Variants in CSMD3 observed in about 807,000 individuals in gnomAD.
The protein encoded by CSMD3 is CUB and sushi domain-containing protein 3.
A neutral mutation model predicts 435.2 loss-of-function variants in CSMD3; 177 were observed. The ratio of observed to expected loss-of-function variants is 0.41; its 90% CI spans 0.36 to 0.46. CSMD3 has a LOEUF of 0.46. CSMD3 is among the 20% of genes least tolerant of loss of function. CSMD3 has a pLI of 0.34. For missense variants in CSMD3, 4,265 were observed against 4,504.6 expected, an observed-to-expected ratio of 0.95 and a Z score of 1.52; for synonymous variants, 1,656 against 1,520.5, an observed-to-expected ratio of 1.09 and a Z score of -2.07.
At chr8:112,758,786 A>G (rs1337508826) in intron 13 of CSMD3, among the ~76,000 whole-genome samples, 3 of 152,204 alleles carry the variant, frequency 2.0e-5, no homozygotes, top group Non-Finnish European at 4.4e-5. Flanking sequence ...AGATTTTAAC[A>G]TGGTATCTCA....
At chr8:112,495,123 G>T (rs529750121) in intron 30 of CSMD3, among the ~76,000 whole-genome samples, 1 of 152,078 alleles carries the variant, frequency 6.6e-6, no homozygotes, top group African/African-American at 2.4e-5. Flanking sequence ...GTGATGCAAG[G>T]GTTGATTTGT....
intron 30 of CSMD3, among the ~76,000 whole-genome samples, chr8:112,498,257 T>C (rs2130887463): frequency 6.6e-6 from 1 of 152,246 alleles, no homozygotes; most frequent in East Asian, 1.9e-4. Flanking sequence ...GTCCTTCCCA[T>C]ACCTACTCAT....
intron 18 of CSMD3, among the ~76,000 whole-genome samples, chr8:112,650,652 G>C (rs982398930): frequency 6.6e-6 from 1 of 151,988 alleles, no homozygotes; most frequent in African/African-American, 2.4e-5. Flanking sequence ...CATAGCAATA[G>C]TCAACATTTC....
At chr8:112,754,410 C>T (rs2077643143) in intron 13 of CSMD3, among the ~76,000 whole-genome samples, 1 of 151,996 alleles carries the variant, frequency 6.6e-6, no homozygotes, top group African/African-American at 2.4e-5. Context: ...AGAACCCAAG[C>T]CCTGATTTGG....
intron 32 of CSMD3, among the ~76,000 whole-genome samples, chr8:112,454,377 T>C (rs568254612): frequency 1.3e-5 from 2 of 152,174 alleles, no homozygotes; most frequent in South Asian, 4.2e-4. Flanking sequence ...AGCAAAGATC[T>C]AACACTCATA....
intron 31 of CSMD3, among the ~76,000 whole-genome samples, chr8:112,480,009 T>C (rs1391328725): frequency 6.6e-6 from 1 of 152,178 alleles, no homozygotes; most frequent in African/African-American, 2.4e-5. Flanking sequence ...CTCAAACCTT[T>C]GAGAGCAGCC....
At chr8:112,954,797 A>G in intron 7 of CSMD3, 36 bp from the exon 8 acceptor site, 1 of 1,192,824 alleles carries the variant, frequency 8.4e-7, no homozygotes, top group African/African-American at 1.5e-5. Flanking sequence ...TGTATCAGGA[A>G]ATACAATTTT....
intron 1 of CSMD3, among the ~76,000 whole-genome samples, chr8:113,401,110 C>G (rs1419133845): frequency 6.6e-6 from 1 of 151,748 alleles, no homozygotes; most frequent in Non-Finnish European, 1.5e-5. Flanking sequence ...AACATCCTGA[C>G]ATCTCAATTA....
In CSMD3 at chr8:112,777,101, T is replaced by C. The variant is rs1049604262; in HGVS notation, c.1972+23061A>G. ...ATCATTTGTGACCAAAATTTGGAGA[T>C]GCTGTGCCCAAAAATGAAAGACAAG... On this transcript the variant is annotated intron_variant, in intron 13 of 70. Coordinates refer to ENST00000297405, the MANE Select transcript of CSMD3 (RefSeq NM_198123.2). Among the ~76,000 whole-genome samples, 7 of 151,926 alleles carry C rather than the reference T, an allele frequency of 4.6e-5. No individual in the cohort carries two copies. In the South Asian group the frequency reaches 6.2e-4, roughly 13 times the overall value.
At chr8:113,219,659 G>A (rs2092944781) in intron 3 of CSMD3, among the ~76,000 whole-genome samples, 1 of 151,406 alleles carries the variant, frequency 6.6e-6, no homozygotes, top group South Asian at 2.1e-4. Flanking sequence ...TAAACCACAA[G>A]TAGATCAAAG....
intron 24 of CSMD3, 60 bp from the exon 25 acceptor site, chr8:112,557,014 C>G (rs1042370078): frequency 1.0e-6 from 1 of 995,986 alleles, no homozygotes; most frequent in East Asian, 2.5e-5. Flanking sequence ...TAAATCTATA[C>G]AAATCATTCC....
chr8:112,684,744 A>G lies in CSMD3; in HGVS notation c.2482+662T>C, dbSNP rs181294488. Among the ~76,000 whole-genome samples, 5 of 152,224 alleles carry G rather than the reference A, an allele frequency of 3.3e-5. No individual in the cohort carries two copies. The East Asian group carries it at 7.7e-4, about 23-fold the overall frequency. On this transcript the variant is annotated intron_variant, in intron 15 of 70. Coordinates refer to ENST00000297405, the MANE Select transcript of CSMD3 (RefSeq NM_198123.2). ...AAGATGTCAAGATAATTGTTCAAAA[A>G]CCAACTAAACAATAATGGCTAATGT...
chr8:113,027,336 C>CA lies in CSMD3; in HGVS notation c.918-8158dup, dbSNP rs973877920. On this transcript the variant is annotated intron_variant, in intron 5 of 70. Coordinates refer to ENST00000297405, the MANE Select transcript of CSMD3 (RefSeq NM_198123.2). ...AAAAACTAGCATATTCAAAAATACT[C>CA]AAAAAAATAAAAAAAACTTTCTGTT... Among the ~76,000 whole-genome samples, 9 of 151,694 alleles carry CA rather than the reference C, an allele frequency of 5.9e-5. 1 individual carries two copies. Among genetic ancestry groups the CA allele is most frequent in the Non-Finnish European group, 2.9e-5 (2 of 67,856 alleles).
In CSMD3 at chr8:112,650,362, G is replaced by A. The variant is rs752960252; in HGVS notation, c.3005-13C>T. The A allele has an allele frequency of 1.2e-5, 19 of 1,605,884 alleles. No homozygotes were observed. The Admixed American group carries it at 1.7e-4, about 14-fold the overall frequency. ...TTCACTGTAACACCTGGAAAACAAA[G>A]GGAAGAAAATAAAGAGTAAGCTTGG... On this transcript the variant is annotated splice_polypyrimidine_tract_variant and intron_variant, in intron 18 of 70. Transcript: ENST00000297405.
chr8:112,657,112 G>T (rs1433241009), intron 17 of CSMD3, among the ~76,000 whole-genome samples: 2 of 141,992 alleles, frequency 1.4e-5, no homozygotes, highest in African/African-American at 5.3e-5. Flanking sequence ...AACCAGGCTA[G>T]AGTGCAGTGG....
At chr8:112,446,710 A>G (rs567404131) in intron 32 of CSMD3, among the ~76,000 whole-genome samples, 1 of 152,338 alleles carries the variant, frequency 6.6e-6, no homozygotes, top group East Asian at 1.9e-4. Context: ...AATTGCATAT[A>G]TTAAATTTGC....
chr8:113,275,030 T>A (rs941031408), intron 3 of CSMD3, among the ~76,000 whole-genome samples: 3 of 151,978 alleles, frequency 2.0e-5, no homozygotes, highest in African/African-American at 7.2e-5. Flanking sequence ...ATACTGTATG[T>A]CCCCATAGAA....
chr8:112,516,525 C>A (rs1823687903), intron 28 of CSMD3, among the ~76,000 whole-genome samples: 2 of 152,096 alleles, frequency 1.3e-5, no homozygotes, highest in South Asian at 4.1e-4. Context: ...AGACAAAAGA[C>A]AGCTGGAAGT....
intron 8 of CSMD3, among the ~76,000 whole-genome samples, chr8:112,952,417 A>G (rs2083852848): frequency 6.6e-6 from 1 of 151,696 alleles, no homozygotes; most frequent in Non-Finnish European, 1.5e-5. Flanking sequence ...TGAAAGACGA[A>G]TGTCAGATAA....
Sources: gnomAD v4.1 joint callset for allele counts (sites outside exome capture counted in the v4.1 genomes callset) on GRCh38, gnomAD v4.1.1 for gene constraint, MANE v1.5 for transcripts, NCBI Gene and HGNC (gene_info 2026-07-23, HGNC 2026-07-21) for gene names.